Variants in GNG2 observed in about 807,000 individuals in gnomAD.
The protein encoded by GNG2 is guanine nucleotide-binding protein G(I)/G(S)/G(O) subunit gamma-2.
A neutral mutation model predicts 5.5 loss-of-function variants in GNG2; 5 were observed. That is an observed-to-expected ratio of 0.91 (90% CI 0.48 to 1.92). The LOEUF is 1.92. GNG2 is among the 30% of genes most tolerant of loss of function. The pLI is 0.01. For missense variants in GNG2, 55 were observed against 88.4 expected (o/e 0.62, Z 1.52); for synonymous variants, 28 against 32.0 (o/e 0.88, Z 0.42).
At chr14:51,948,261 G>A (rs1835082833) in intron 2 of GNG2, among the ~76,000 whole-genome samples, 1 of 152,194 alleles carries the variant, frequency 6.6e-6, no homozygotes, top group South Asian at 2.1e-4. Flanking sequence ...GAAAAAAAGT[G>A]TCGTTACTAA....
chr14:51,831,199 T>C (rs544129292), intron 2 of GNG2, among the ~76,000 whole-genome samples: 1 of 152,348 alleles, frequency 6.6e-6, no homozygotes, highest in East Asian at 1.9e-4. Context: ...TTAATATTAC[T>C]ATAAACCTCC....
At chr14:51,840,643 G>C (rs78101021) in intron 2 of GNG2, among the ~76,000 whole-genome samples, 1,868 of 152,336 alleles carry the variant, frequency 0.012, 43 homozygotes, top group African/African-American at 0.043. Flanking sequence ...CTGAGGTAGA[G>C]TGTAAGGTGG....
upstream of GNG2, among the ~76,000 whole-genome samples, chr14:51,858,040 T>C (rs1882242607): frequency 6.6e-6 from 1 of 152,232 alleles, no homozygotes; most frequent in East Asian, 1.9e-4. Flanking sequence ...GCATGAATGT[T>C]AGAGTATTTT....
chr14:51,834,149 T>C (rs148413006), intron 2 of GNG2, among the ~76,000 whole-genome samples: 107 of 152,342 alleles, frequency 7.0e-4, no homozygotes, highest in African/African-American at 2.5e-3. Flanking sequence ...ATTGAAGCTT[T>C]TGGAGATGGG....
chr14:51,954,325 T>G (rs1889152343), intron 3 of GNG2, among the ~76,000 whole-genome samples: 2 of 151,598 alleles, frequency 1.3e-5, no homozygotes, highest in South Asian at 4.2e-4. Context: ...GGGAAGAGAG[T>G]TAGGGGAAGG....
Position 51,854,151 on chromosome 14 carries a change from G to C in GNG2, c.64+26344G>C, listed in dbSNP as rs1363254273. ...GGCCTCCCAAAGTGCTGGGATTACA[G>C]ACGTGAGCCACCATGCCCGGCCTAT... On this transcript the variant is annotated intron_variant, in intron 2 of 3. Coordinates refer to the GNG2 transcript ENST00000553432. 2.0e-4 allele frequency among the ~76,000 whole-genome samples: 30 copies of C among 152,176 alleles called. 2 individuals carry two copies. Among genetic ancestry groups the C allele is most frequent in the Admixed American group, 2.0e-3 (30 of 15,286 alleles).
chr14:51,953,241 T>C (rs1178828834), intron 3 of GNG2, among the ~76,000 whole-genome samples: 1 of 152,208 alleles, frequency 6.6e-6, no homozygotes, highest in Non-Finnish European at 1.5e-5. Flanking sequence ...TTTACTTATA[T>C]AATAAATACT....
intron 2 of GNG2, among the ~76,000 whole-genome samples, chr14:51,920,834 A>G (rs1886974717): frequency 6.6e-6 from 1 of 152,128 alleles, no homozygotes; most frequent in African/African-American, 2.4e-5. Flanking sequence ...TAGCCCCAAT[A>G]AATTGCAACT....
intron 2 of GNG2, among the ~76,000 whole-genome samples, chr14:51,942,639 G>A (rs1295339260): frequency 4.3e-5 from 3 of 69,624 alleles, no homozygotes; most frequent in Non-Finnish European, 9.7e-5. Flanking sequence ...GCCCAGGCTG[G>A]ATTCAAACTC....
intron 2 of GNG2, chr14:51,918,691 G>A (rs934397593): frequency 6.6e-6 from 1 of 152,180 alleles, no homozygotes; most frequent in African/African-American, 2.4e-5. Context: ...TTATTACTTA[G>A]GCACAAAATA....
At chr14:51,904,315 T>C (rs1566676376) in intron 2 of GNG2, among the ~76,000 whole-genome samples, 1 of 152,216 alleles carries the variant, frequency 6.6e-6, no homozygotes. Context: ...AGCCTGAGTG[T>C]GTACCTGTAC....
At chr14:51,869,455 AATT>A (rs911007353) in intron 1 of GNG2, among the ~76,000 whole-genome samples, 2 of 152,056 alleles carry the variant, frequency 1.3e-5, no homozygotes, top group Admixed American at 6.6e-5. Flanking sequence ...ACAATTTTGG[AATT>A]ATAGGCATAT....
chr14:51,901,836 G>T (rs993095385), intron 2 of GNG2, among the ~76,000 whole-genome samples: 8 of 152,020 alleles, frequency 5.3e-5, no homozygotes, highest in Non-Finnish European at 1.0e-4. Context: ...TGCAGAGCCT[G>T]CAGTATGCCC....
chr14:51,849,141 G>A (rs1198287982), intron 2 of GNG2, among the ~76,000 whole-genome samples: 3 of 152,144 alleles, frequency 2.0e-5, no homozygotes, highest in Non-Finnish European at 4.4e-5. Context: ...TGTCTGGGGT[G>A]GAGGATCCAT....
Position 51,877,647 on chromosome 14 carries a change from G to A in GNG2, c.-40G>A, listed in dbSNP as rs976989459. On this transcript the variant is annotated 5_prime_UTR_variant, in exon 2 of 4. Transcript: ENST00000556766. ...TCTGCCAGTGAGCCTCAGGCTTTAG[G>A]AACTGAAGAGGTAAGAATTCCAAAA... 10 of 455,428 alleles carry A rather than the reference G, an allele frequency of 2.2e-5. No homozygotes were observed. The highest frequency in any genetic ancestry group is 4.4e-5 in the Non-Finnish European group (10 of 226,430). 28.2% of individuals were successfully genotyped at this position (455,428 alleles called of 1,614,324 possible). A position where few individuals can be genotyped will look rare whatever the true frequency, so the allele number is the denominator to read the frequency against.
chr14:51,918,660 A>G (rs1257152856), intron 2 of GNG2: 1 of 152,250 alleles, frequency 6.6e-6, no homozygotes, highest in Admixed American at 6.5e-5. Context: ...GATCAGCTAC[A>G]GAATAGAAAC....
chr14:51,926,509 C>G (rs72678143), intron 2 of GNG2, among the ~76,000 whole-genome samples: 1 of 152,156 alleles, frequency 6.6e-6, no homozygotes, highest in South Asian at 2.1e-4. Flanking sequence ...TGGTGCTCAG[C>G]ACGTGGTGAG....
intron 2 of GNG2, among the ~76,000 whole-genome samples, chr14:51,901,962 GT>G (rs1885593234): frequency 5.7e-5 from 1 of 17,444 alleles, no homozygotes; most frequent in African/African-American, 2.6e-4. Context: ...ATAACAATCT[GT>G]AAAAAAAAAA....
At chr14:51,859,485 T>G (rs923850810), upstream of GNG2, among the ~76,000 whole-genome samples, 2 of 152,208 alleles carry the variant, frequency 1.3e-5, no homozygotes, top group Non-Finnish European at 2.9e-5. Context: ...CCCAACATCC[T>G]CTAAAAATAA....
Sources: gnomAD v4.1 joint callset for allele counts (sites outside exome capture counted in the v4.1 genomes callset) on GRCh38, gnomAD v4.1.1 for gene constraint, MANE v1.5 for transcripts, NCBI Gene and HGNC (gene_info 2026-07-23, HGNC 2026-07-21) for gene names.